Variants in ANKRD33B observed in about 807,000 individuals in gnomAD.
ANKRD33B encodes the protein ankyrin repeat domain-containing protein 33B.
Under a neutral mutation model 21.5 loss-of-function variants are expected in ANKRD33B, and 6 were observed. That is an observed-to-expected ratio of 0.28 (90% confidence interval 0.15 to 0.55). ANKRD33B has a LOEUF of 0.55. Among genes scored for constraint, ANKRD33B ranks in the 20% least tolerant of loss-of-function variants. ANKRD33B has a pLI of 0.94. For synonymous variants in ANKRD33B, 347 were observed against 342.4 expected (o/e 1.01, Z -0.15); for missense variants, 698 against 747.2 (o/e 0.93, Z 0.77).
At chr5:10,606,561 C>A (rs931711154) in intron 1 of ANKRD33B, among the ~76,000 whole-genome samples, 1 of 152,062 alleles carries the variant, frequency 6.6e-6, no homozygotes, top group Non-Finnish European at 1.5e-5. Flanking sequence ...TGGTGAAGCC[C>A]TGTCTCTACT....
intron 2 of ANKRD33B, among the ~76,000 whole-genome samples, chr5:10,620,304 TG>T: frequency 6.6e-6 from 1 of 152,048 alleles, no homozygotes; most frequent in Non-Finnish European, 1.5e-5. Context: ...TAACACCAAC[TG>T]CAAAGGGCAT....
In ANKRD33B at chr5:10,603,344, C is replaced by T. The variant is rs563091928; in HGVS notation, c.367-14989C>T. 1.6e-4 allele frequency among the ~76,000 whole-genome samples: 24 copies of T among 151,922 alleles called. No individual in the cohort carries two copies. The East Asian group carries it at 4.3e-3, about 27-fold the overall frequency. On this transcript the variant is annotated intron_variant, in intron 1 of 3. Transcript: ENST00000296657. ...GTGGAGTGATCTCAGTTCACTGCAA[C>T]CTACGCCTCCCAGGTTCAAGTGATT...
In ANKRD33B at chr5:10,649,324, T is replaced by G; in HGVS notation, c.696T>G (p.Thr232=). The part of the protein sequence containing the change: ...RRGMSPQEWA[T]YTGRVDAVRL... Reference sequence around the variant, plus strand: ...GGATGTCGCCGCAGGAGTGGGCCACTTACACGGGCCGCGTGGATGCCGTCC... The same window carrying G: ...GGATGTCGCCGCAGGAGTGGGCCACGTACACGGGCCGCGTGGATGCCGTCC... Residue 232 remains threonine, a synonymous_variant, in exon 4 of 4, where the codon ACT becomes ACG. Transcript: ENST00000296657. 1.3e-6 allele frequency: 2 copies of G among 1,534,204 alleles called. No individual in the cohort carries two copies. Among genetic ancestry groups the G allele is most frequent in the Non-Finnish European group, 1.7e-6 (2 of 1,146,242 alleles).
At chr5:10,646,726 C>T (rs1183756338) in intron 3 of ANKRD33B, among the ~76,000 whole-genome samples, 1 of 152,168 alleles carries the variant, frequency 6.6e-6, no homozygotes, top group East Asian at 1.9e-4. Flanking sequence ...TCATTTTAGT[C>T]AGTTTATAAA....
chr5:10,583,163 A>AT (rs1438303666), intron 1 of ANKRD33B, among the ~76,000 whole-genome samples: 5 of 151,670 alleles, frequency 3.3e-5, no homozygotes, highest in East Asian at 1.9e-4. Flanking sequence ...CGCCTGGGTA[A>AT]TTTTTTTGTA....
chr5:10,647,166 G>T, intron 3 of ANKRD33B, among the ~76,000 whole-genome samples: 1 of 151,566 alleles, frequency 6.6e-6, no homozygotes, highest in South Asian at 2.1e-4. Flanking sequence ...GTGCGGTGGT[G>T]CGATCTCGGC....
intron 1 of ANKRD33B, among the ~76,000 whole-genome samples, chr5:10,595,949 T>A (rs1735808184): frequency 6.6e-6 from 1 of 152,192 alleles, no homozygotes; most frequent in Non-Finnish European, 1.5e-5. Context: ...TGGAATTACG[T>A]GTCCCAGGAC....
intron 3 of ANKRD33B, among the ~76,000 whole-genome samples, chr5:10,647,028 T>TCAC (rs1460704111): frequency 6.6e-6 from 1 of 152,182 alleles, no homozygotes; most frequent in Non-Finnish European, 1.5e-5. Flanking sequence ...CCCTTTGAGC[T>TCAC]CACAGACTAG....
intron 1 of ANKRD33B, among the ~76,000 whole-genome samples, chr5:10,592,746 C>T (rs2126562217): frequency 6.6e-6 from 1 of 152,254 alleles, no homozygotes; most frequent in South Asian, 2.1e-4. Flanking sequence ...TGCCACTGTT[C>T]CCACTTTCAT....
intron 1 of ANKRD33B, among the ~76,000 whole-genome samples, chr5:10,601,636 G>A (rs1025440574): frequency 1.3e-5 from 2 of 152,240 alleles, no homozygotes; most frequent in African/African-American, 4.8e-5. Context: ...CACAGCCAGG[G>A]ACCAGTAAGC....
At position 10,651,070 on chromosome 5, in the gene ANKRD33B, A is replaced by G. The variant is rs1458589328; in HGVS notation, c.*957A>G. ...ATGTCAAAAAGATGCAACAAGAGTC[A>G]GGAGCCCAGAATGACGCAAATTACA... On this transcript the variant is annotated 3_prime_UTR_variant, in exon 4 of 4. Coordinates refer to ENST00000296657, the MANE Select transcript of ANKRD33B (RefSeq NM_001164440.2). 2.0e-5 allele frequency: 3 copies of G among 152,364 alleles called. No homozygotes were observed. Among genetic ancestry groups the G allele is most frequent in the Non-Finnish European group, 4.4e-5 (3 of 68,036 alleles). The allele number at this position is 152,364 out of a possible 1,614,324, so 9.4% of individuals were successfully genotyped here.
At chr5:10,582,363 C>G (rs1015600306) in intron 1 of ANKRD33B, among the ~76,000 whole-genome samples, 1 of 152,210 alleles carries the variant, frequency 6.6e-6, no homozygotes, top group African/African-American at 2.4e-5. Context: ...CCCAGCCTTC[C>G]TCATCTCCTG....
At chr5:10,593,662 A>G (rs1260957375) in intron 1 of ANKRD33B, among the ~76,000 whole-genome samples, 4 of 150,968 alleles carry the variant, frequency 2.6e-5, no homozygotes, top group African/African-American at 7.4e-5. Flanking sequence ...GCCTCTCTCC[A>G]ACCTCTTCTC....
At chr5:10,585,940 C>T (rs1221231076) in intron 1 of ANKRD33B, among the ~76,000 whole-genome samples, 1 of 152,154 alleles carries the variant, frequency 6.6e-6, no homozygotes. Flanking sequence ...TTCCCTGTGC[C>T]AGGCTTTCCG....
At chr5:10,602,707 G>A (rs1735958585) in intron 1 of ANKRD33B, among the ~76,000 whole-genome samples, 1 of 152,098 alleles carries the variant, frequency 6.6e-6, no homozygotes, top group Non-Finnish European at 1.5e-5. Context: ...AGTGGACAAT[G>A]TAGATTCCTT....
At chr5:10,570,404 A>T (rs369148517) in intron 1 of ANKRD33B, among the ~76,000 whole-genome samples, 1 of 152,062 alleles carries the variant, frequency 6.6e-6, no homozygotes, top group South Asian at 2.1e-4. Flanking sequence ...TCGCTGCTCC[A>T]TTTGGTCTCT....
chr5:10,608,257 C>A (rs1265249213), intron 1 of ANKRD33B, among the ~76,000 whole-genome samples: 1 of 149,746 alleles, frequency 6.7e-6, no homozygotes, highest in Non-Finnish European at 1.5e-5. Flanking sequence ...ACTCAGGAGG[C>A]TGGGGCAGGA....
intron 2 of ANKRD33B, among the ~76,000 whole-genome samples, chr5:10,634,431 T>G (rs1736805835): frequency 6.6e-6 from 1 of 151,620 alleles, no homozygotes; most frequent in East Asian, 1.9e-4. Context: ...TTCCATAATG[T>G]CCAAGTTGGA....
intron 1 of ANKRD33B, among the ~76,000 whole-genome samples, chr5:10,608,196 C>CAA (rs1297621309): frequency 0.013 from 1,451 of 113,194 alleles, 27 homozygotes; most frequent in African/African-American, 0.047. Context: ...TAAAAAAATA[C>CAA]AAAAAAAAAA....
Sources: gnomAD v4.1 joint callset for allele counts (sites outside exome capture counted in the v4.1 genomes callset) on GRCh38, gnomAD v4.1.1 for gene constraint, MANE v1.5 for transcripts, NCBI Gene and HGNC (gene_info 2026-07-23, HGNC 2026-07-21) for gene names.